SAMMSON: variants seen among roughly 807,000 people sequenced by gnomAD.
The protein encoded by SAMMSON is survival associated mitochondrial melanoma specific oncogenic non-coding RNA.
chr3:70,332,506 G>C (rs190254555), intron 7 of SAMMSON, among the ~76,000 whole-genome samples: 124 of 152,256 alleles, frequency 8.1e-4, no homozygotes, highest in Admixed American at 1.8e-3. Context: ...TCACCTCTTG[G>C]AAGAAGTTAC....
intron 2 of SAMMSON, among the ~76,000 whole-genome samples, chr3:70,397,698 A>G (rs1005264945): frequency 1.3e-5 from 2 of 152,052 alleles, no homozygotes; most frequent in African/African-American, 4.8e-5. Context: ...TAAAAGTAAA[A>G]TTACTAGATC....
chr3:70,342,748 T>A (rs1039526572), intron 7 of SAMMSON, among the ~76,000 whole-genome samples: 3 of 152,156 alleles, frequency 2.0e-5, no homozygotes, highest in Non-Finnish European at 4.4e-5. Context: ...TTGCCTGAAG[T>A]CATTATTGGT....
intron 4 of SAMMSON, chr3:70,075,016 T>A (rs1199839719): frequency 6.6e-6 from 1 of 152,100 alleles, no homozygotes; most frequent in Non-Finnish European, 1.5e-5. Flanking sequence ...GATGGCTGTT[T>A]GAGCATCTTT....
chr3:70,271,365 G>C (rs1388754968), intron 6 of SAMMSON, among the ~76,000 whole-genome samples: 1 of 152,154 alleles, frequency 6.6e-6, no homozygotes, highest in Non-Finnish European at 1.5e-5. Flanking sequence ...CTCCATTGGT[G>C]AGCTCACTGG....
At chr3:70,219,595 A>G (rs1345981372) in intron 4 of SAMMSON, among the ~76,000 whole-genome samples, 1 of 152,196 alleles carries the variant, frequency 6.6e-6, no homozygotes, top group Non-Finnish European at 1.5e-5. Flanking sequence ...ACAAATTGGG[A>G]TGAAAAACCA....
intron 4 of SAMMSON, among the ~76,000 whole-genome samples, chr3:70,214,702 T>C (rs1328995093): frequency 6.6e-6 from 1 of 151,796 alleles, no homozygotes; most frequent in Non-Finnish European, 1.5e-5. Context: ...GGCTAAGTGA[T>C]GTACTTTTAT....
intron 4 of SAMMSON, among the ~76,000 whole-genome samples, chr3:70,092,364 C>A (rs890308927): frequency 3.8e-4 from 58 of 151,740 alleles, no homozygotes; most frequent in Middle Eastern, 3.4e-3. Flanking sequence ...TCATTCCCAC[C>A]TTTGGGTCAT....
Position 70,012,798 on chromosome 3 carries a change from C to T in SAMMSON, n.264+200C>T, listed in dbSNP as rs73102058. ...GAGTGTGATGTAGAGAATGGTGAGGCTTTGCTGTGGCAAAGTTTTCTGTTT... is the reference window on the plus strand; with the variant it reads ...GAGTGTGATGTAGAGAATGGTGAGGTTTTGCTGTGGCAAAGTTTTCTGTTT... On this transcript the variant is annotated intron_variant and non_coding_transcript_variant, in intron 2 of 9. Coordinates refer to ENST00000642114, the Ensembl canonical transcript of SAMMSON. Among the ~76,000 whole-genome samples the T allele has an allele frequency of 3.8e-3, 579 of 152,142 alleles. 2 individuals carry two copies. The highest frequency in any genetic ancestry group is 5.7e-3 in the Non-Finnish European group (388 of 68,010).
intron 7 of SAMMSON, among the ~76,000 whole-genome samples, chr3:70,317,940 T>C (rs1051384333): frequency 2.6e-5 from 4 of 151,592 alleles, no homozygotes; most frequent in African/African-American, 9.7e-5. Context: ...TATTGACAGG[T>C]TTTTTTTGTT....
chr3:70,049,127 C>G (rs1280325936), intron 3 of SAMMSON, among the ~76,000 whole-genome samples: 2 of 152,152 alleles, frequency 1.3e-5, no homozygotes, highest in Non-Finnish European at 2.9e-5. Context: ...ACATTTACTG[C>G]ATACCTACCA....
intron 9 of SAMMSON, among the ~76,000 whole-genome samples, chr3:70,384,251 A>G (rs562613418): frequency 6.6e-6 from 1 of 152,204 alleles, no homozygotes; most frequent in African/African-American, 2.4e-5. Flanking sequence ...TTTTAATAAA[A>G]CATATAGGGA....
At chr3:70,371,504 T>C (rs980185804) in intron 9 of SAMMSON, among the ~76,000 whole-genome samples, 5 of 152,062 alleles carry the variant, frequency 3.3e-5, no homozygotes, top group African/African-American at 9.7e-5. Context: ...TGTTTTGTAG[T>C]TTTTGTTATT....
At chr3:70,240,647 A>T (rs182251549) in intron 4 of SAMMSON, among the ~76,000 whole-genome samples, 1 of 152,194 alleles carries the variant, frequency 6.6e-6, no homozygotes, top group Admixed American at 6.5e-5. Flanking sequence ...ATAAGTACTT[A>T]ATTTGTTTAT....
intron 6 of SAMMSON, chr3:70,249,818 A>G (rs1358431036): frequency 6.6e-6 from 1 of 152,138 alleles, no homozygotes; most frequent in East Asian, 1.9e-4. Context: ...TCAAATTGTA[A>G]CCACTGATGC....
intron 4 of SAMMSON, among the ~76,000 whole-genome samples, chr3:70,184,976 C>A (rs1701081481): frequency 6.6e-6 from 1 of 152,168 alleles, no homozygotes; most frequent in Admixed American, 6.5e-5. Flanking sequence ...CTGCTGCAGT[C>A]CTTTTTGATT....
At chr3:70,020,150 T>C (rs2067006122) in intron 3 of SAMMSON, among the ~76,000 whole-genome samples, 1 of 152,168 alleles carries the variant, frequency 6.6e-6, no homozygotes, top group South Asian at 2.1e-4. Context: ...GTTGCAATTA[T>C]GTGATTAGCC....
intron 4 of SAMMSON, among the ~76,000 whole-genome samples, chr3:70,111,868 A>G (rs2067390795): frequency 6.6e-6 from 1 of 152,140 alleles, no homozygotes; most frequent in African/African-American, 2.4e-5. Context: ...CGAGAAAGAA[A>G]GACAGATCTA....
At chr3:70,179,979 T>A (rs1362926463) in intron 4 of SAMMSON, among the ~76,000 whole-genome samples, 2 of 148,970 alleles carry the variant, frequency 1.3e-5, no homozygotes, top group African/African-American at 5.0e-5. Context: ...TGGGATAGAT[T>A]TTTATTATTT....
At chr3:70,107,677 T>C (rs1195036559) in intron 4 of SAMMSON, among the ~76,000 whole-genome samples, 3 of 151,906 alleles carry the variant, frequency 2.0e-5, no homozygotes, top group Non-Finnish European at 4.4e-5. Context: ...CTTTTGGTAG[T>C]CTATAAAAGA....
Sources: gnomAD v4.1 joint callset for allele counts (sites outside exome capture counted in the v4.1 genomes callset) on GRCh38, gnomAD v4.1.1 for gene constraint, MANE v1.5 for transcripts, NCBI Gene and HGNC (gene_info 2026-07-23, HGNC 2026-07-21) for gene names.